The following TIMP2 variants were observed in gnomAD, a reference collection of about 807,000 sequenced individuals.
The protein encoded by TIMP2 is metalloproteinase inhibitor 2.
A neutral mutation model predicts 24.3 loss-of-function variants in TIMP2; 5 were observed. The ratio of observed to expected loss-of-function variants is 0.21; its 90% confidence interval spans 0.11 to 0.43. The LOEUF is 0.43. Ranked by LOEUF, TIMP2 falls within the 20% of genes least tolerant of loss-of-function variation. The pLI is 1.00. For synonymous variants in TIMP2, 130 were observed against 123.2 expected (o/e 1.06, Z -0.37); for missense variants, 221 against 297.5 (o/e 0.74, Z 1.89).
At chr17:78,921,530 G>T (rs1209130105) in intron 1 of TIMP2, among the ~76,000 whole-genome samples, 1 of 152,200 alleles carries the variant, frequency 6.6e-6, no homozygotes, top group African/African-American at 2.4e-5. Flanking sequence ...TGGCTAAGTG[G>T]CTCCAGGCAT....
At chr17:78,905,644 T>G (rs1270635520) in intron 1 of TIMP2, among the ~76,000 whole-genome samples, 1 of 152,200 alleles carries the variant, frequency 6.6e-6, no homozygotes, top group Non-Finnish European at 1.5e-5. Flanking sequence ...CGTCAGGTCT[T>G]TTCTGGACTG....
At chr17:78,913,891 C>CGG (rs199973758) in intron 1 of TIMP2, among the ~76,000 whole-genome samples, 1 of 93,678 alleles carries the variant, frequency 1.1e-5, no homozygotes. Context: ...AACTCTGTCT[C>CGG]GGGGAAAAAA....
chr17:78,883,725 C>A (rs1033714039), intron 1 of TIMP2, among the ~76,000 whole-genome samples: 1 of 152,158 alleles, frequency 6.6e-6, no homozygotes, highest in Non-Finnish European at 1.5e-5. Flanking sequence ...CCTGCCCATT[C>A]GTTTTGGCTC....
chr17:78,860,843 C>T (rs1256890138), intron 3 of TIMP2, among the ~76,000 whole-genome samples: 1 of 152,110 alleles, frequency 6.6e-6, no homozygotes, highest in African/African-American at 2.4e-5. Flanking sequence ...CGAGACCAAC[C>T]TGGCCAACAC....
intron 1 of TIMP2, among the ~76,000 whole-genome samples, chr17:78,894,052 C>G (rs1468850833): frequency 6.6e-6 from 1 of 152,176 alleles, no homozygotes; most frequent in South Asian, 2.1e-4. Flanking sequence ...GTAGTTGCAG[C>G]TGAAGTCACA....
rs2069894585 is a variant in TIMP2 at position 78,891,533 on chromosome 17, G to A, written c.131-17614C>T. Reference sequence around the variant, plus strand: ...CCGGAGCGTGCACTGAGATGCTGGGGACACGGCTTCCCTTCTGCAGCTGGA... The same window carrying A: ...CCGGAGCGTGCACTGAGATGCTGGGAACACGGCTTCCCTTCTGCAGCTGGA... On this transcript the variant is annotated intron_variant, in intron 1 of 4. Coordinates refer to ENST00000262768, the MANE Select transcript of TIMP2 (RefSeq NM_003255.5). This position sits in a 1 kb window ranked among gnomAD's most constrained non-coding sequence, Gnocchi z 4.5. 6.4e-7 allele frequency: 1 copy of A among 1,551,076 alleles called. No individual in the cohort carries two copies. The highest frequency in any genetic ancestry group is 1.2e-5 in the South Asian group (1 of 84,062).
chr17:78,892,661 G>T, intron 1 of TIMP2: 1 of 735,118 alleles, frequency 1.4e-6, no homozygotes, highest in Admixed American at 3.1e-5. Context: ...GAGCCTGTAG[G>T]GCAGCTGTTT....
intron 1 of TIMP2, among the ~76,000 whole-genome samples, chr17:78,878,894 A>C (rs768460010): frequency 1.3e-5 from 2 of 152,188 alleles, no homozygotes; most frequent in Non-Finnish European, 2.9e-5. Flanking sequence ...GCAAAATGAG[A>C]AATTACATGA....
chr17:78,890,517 A>T (rs1373807734), intron 1 of TIMP2: 2 of 1,207,770 alleles, frequency 1.7e-6, no homozygotes, highest in East Asian at 2.6e-5. Flanking sequence ...CAGATTGCCC[A>T]TTTTAAAGAG....
chr17:78,860,686 T>C (rs1209717196), intron 3 of TIMP2, among the ~76,000 whole-genome samples: 1 of 152,234 alleles, frequency 6.6e-6, no homozygotes, highest in Admixed American at 6.5e-5. Context: ...ATTACTCCTG[T>C]AACATTTATT....
At chr17:78,870,808 C>A in intron 3 of TIMP2, 90 bp downstream of exon 3, 1 of 1,128,734 alleles carries the variant, frequency 8.9e-7, no homozygotes, top group East Asian at 2.5e-5. Flanking sequence ...CCTCCCCACC[C>A]CCCGAGCCTG....
chr17:78,892,199 C>G, intron 1 of TIMP2: 1 of 1,551,024 alleles, frequency 6.4e-7, no homozygotes, highest in Non-Finnish European at 8.7e-7. Context: ...GTAGTTTTTC[C>G]ACAGCTTGGC....
intron 1 of TIMP2, among the ~76,000 whole-genome samples, chr17:78,885,415 G>C (rs1022082945): frequency 6.6e-6 from 1 of 152,218 alleles, no homozygotes; most frequent in African/African-American, 2.4e-5. Flanking sequence ...GATCCTCACC[G>C]CTGCTGGCAT....
intron 3 of TIMP2, among the ~76,000 whole-genome samples, chr17:78,870,125 A>C (rs890833656): frequency 2.0e-5 from 3 of 152,088 alleles, no homozygotes; most frequent in African/African-American, 7.2e-5. Context: ...TGTACACTTG[A>C]AAATGGTTGG....
intron 3 of TIMP2, among the ~76,000 whole-genome samples, chr17:78,860,036 T>C (rs911670874): frequency 2.7e-5 from 4 of 150,566 alleles, no homozygotes; most frequent in African/African-American, 9.8e-5. Context: ...ATTAGCCGGG[T>C]GTGGTGGCGG....
At chr17:78,889,795 T>A (rs1463052906) in intron 1 of TIMP2, among the ~76,000 whole-genome samples, 1 of 152,062 alleles carries the variant, frequency 6.6e-6, no homozygotes, top group Non-Finnish European at 1.5e-5. Flanking sequence ...TTTTTGTATA[T>A]AGGTGGTTTC....
In TIMP2 at chr17:78,891,767, T is replaced by C. The variant is rs1209292758; in HGVS notation, c.131-17848A>G. On this transcript the variant is annotated intron_variant, in intron 1 of 4. Transcript: ENST00000262768. The surrounding 1 kb of genome is among the most constrained non-coding windows in gnomAD (Gnocchi z 4.5). ...GTTTGACCTTTCTAGGTCCGCCCCT[T>C]TGCTCCTCCGAGGATGGATGGCACA... is the stretch of plus-strand genomic sequence containing the variant. 6.4e-7 allele frequency: 1 copy of C among 1,551,194 alleles called. No individual in the cohort carries two copies. The highest frequency in any genetic ancestry group is 2.4e-5 in the East Asian group (1 of 40,912).
At chr17:78,858,409 C>A (rs933428964) in intron 3 of TIMP2, among the ~76,000 whole-genome samples, 1 of 151,812 alleles carries the variant, frequency 6.6e-6, no homozygotes, top group African/African-American at 2.4e-5. Flanking sequence ...TGCCACTGCA[C>A]TCCAGCCTGG....
At position 78,913,727 on chromosome 17, in the gene TIMP2, A is replaced by C. The variant is rs187891964; in HGVS notation, c.130+11232T>G. 3.0e-3 allele frequency among the ~76,000 whole-genome samples: 460 copies of C among 151,804 alleles called. 2 individuals carry two copies. The highest frequency in any genetic ancestry group is 7.7e-3 in the African/African-American group (320 of 41,360). Reference sequence around the variant, plus strand: ...ACCTGTCTCAGAAAAACAACAACAAAAAAAAACAAAAAACATAGGCCGGGC... The same window carrying C: ...ACCTGTCTCAGAAAAACAACAACAACAAAAAACAAAAAACATAGGCCGGGC... On this transcript the variant is annotated intron_variant, in intron 1 of 4. Coordinates refer to ENST00000262768, the MANE Select transcript of TIMP2 (RefSeq NM_003255.5).
Sources: gnomAD v4.1 joint callset for allele counts (sites outside exome capture counted in the v4.1 genomes callset) on GRCh38, gnomAD v4.1.1 for gene constraint, Gnocchi (gnomAD v3.1) non-coding constraint, MANE v1.5 for transcripts, NCBI Gene and HGNC (gene_info 2026-07-23, HGNC 2026-07-21) for gene names.